SEMA3A: variants seen among roughly 807,000 people sequenced by gnomAD.
SEMA3A encodes semaphorin 3A.
SEMA3A carries 29 observed loss-of-function variants against 97.9 expected under a neutral mutation model. The observed-to-expected ratio is 0.30, with a 90% CI of 0.22 to 0.40. The LOEUF (loss-of-function observed/expected upper bound fraction) is 0.40, where lower values mean the gene tolerates loss of function less well. Ranked by LOEUF, SEMA3A falls within the 10% of genes least tolerant of loss-of-function variation. The pLI is 1.00. For synonymous variants in SEMA3A, 321 were observed against 323.7 expected (o/e 0.99, Z 0.09); for missense variants, 763 against 951.3 (o/e 0.80, Z 2.60).
At chr7:84,023,254 T>G (rs1161264819) in intron 6 of SEMA3A, among the ~76,000 whole-genome samples, 2 of 152,190 alleles carry the variant, frequency 1.3e-5, no homozygotes, top group Non-Finnish European at 2.9e-5. Context: ...ATGAATGCAT[T>G]TTGCTGCTCT....
chr7:84,389,531 C>G (rs1005076590), intron 1 of SEMA3A, among the ~76,000 whole-genome samples: 35 of 152,052 alleles, frequency 2.3e-4, no homozygotes, highest in African/African-American at 8.4e-4. Flanking sequence ...GGTAGGGAAA[C>G]AATTCACAAA....
intron 1 of SEMA3A, among the ~76,000 whole-genome samples, chr7:84,181,401 G>T (rs1202558637): frequency 6.6e-6 from 1 of 150,650 alleles, no homozygotes; most frequent in East Asian, 1.9e-4. Context: ...CATGCTAAAA[G>T]AAAAAGAAGG....
intron 3 of SEMA3A, among the ~76,000 whole-genome samples, chr7:84,220,434 G>A (rs936118179): frequency 4.6e-5 from 7 of 152,204 alleles, no homozygotes; most frequent in South Asian, 2.1e-4. Flanking sequence ...AATTGTGAAC[G>A]TTCTTCATGG....
In SEMA3A at chr7:84,344,007, C is replaced by T. The variant is rs191619274; in HGVS notation, c.-169+27817G>A. 2.7e-3 allele frequency among the ~76,000 whole-genome samples: 388 copies of T among 144,240 alleles called. 1 individual carries two copies. The highest frequency in any genetic ancestry group is 4.1e-3 in the Non-Finnish European group (276 of 66,580). 94.6% of individuals were successfully genotyped at this position (144,240 alleles called of 152,430 possible). Reference sequence around the variant, plus strand: ...TGGGCAACTGAGTGACACTTTGTTTCGGGGAAAAAAAAAAAAGAAAATTTG... The same window carrying T: ...TGGGCAACTGAGTGACACTTTGTTTTGGGGAAAAAAAAAAAAGAAAATTTG... On this transcript the variant is annotated intron_variant, in intron 2 of 3. Transcript: ENST00000424555.
chr7:84,192,591 C>A (rs551805445), intron 1 of SEMA3A, among the ~76,000 whole-genome samples: 1 of 151,970 alleles, frequency 6.6e-6, no homozygotes, highest in East Asian at 1.9e-4. Context: ...AGGTTTAAGG[C>A]ATATGTGTAC....
chr7:84,366,618 T>C (rs1309490927), intron 2 of SEMA3A, among the ~76,000 whole-genome samples: 1 of 151,304 alleles, frequency 6.6e-6, no homozygotes, highest in East Asian at 1.9e-4. Context: ...TACTTTACAC[T>C]CAATCAAGGA....
At chr7:84,012,770 TA>T (rs1265833821) in intron 7 of SEMA3A, among the ~76,000 whole-genome samples, 2 of 152,190 alleles carry the variant, frequency 1.3e-5, no homozygotes, top group African/African-American at 2.4e-5. Context: ...TAAATTCTAC[TA>T]TTGAGGTATG....
chr7:84,395,290 T>C (rs1236238326), intron 1 of SEMA3A, among the ~76,000 whole-genome samples: 1 of 151,212 alleles, frequency 6.6e-6, no homozygotes, highest in Admixed American at 6.6e-5. Flanking sequence ...AAATGCAAAA[T>C]CTACACTAAA....
At chr7:84,179,466 G>A (rs888923502) in intron 1 of SEMA3A, among the ~76,000 whole-genome samples, 2 of 152,044 alleles carry the variant, frequency 1.3e-5, no homozygotes, top group Non-Finnish European at 2.9e-5. Flanking sequence ...TCAGTTTAAT[G>A]TTCTCTACCT....
intron 1 of SEMA3A, among the ~76,000 whole-genome samples, chr7:84,139,505 A>C (rs981434295): frequency 6.6e-6 from 1 of 152,094 alleles, no homozygotes; most frequent in African/African-American, 2.4e-5. Context: ...TGTGTTTATG[A>C]GTTGCTTAAT....
At chr7:84,005,815 G>T (rs1444846744) in intron 10 of SEMA3A, among the ~76,000 whole-genome samples, 1 of 152,008 alleles carries the variant, frequency 6.6e-6, no homozygotes, top group Non-Finnish European at 1.5e-5. Flanking sequence ...TGGGCGTGAT[G>T]GTGCATGCCT....
At chr7:84,413,972 T>C (rs144823277) in intron 1 of SEMA3A, among the ~76,000 whole-genome samples, 42 of 152,216 alleles carry the variant, frequency 2.8e-4, no homozygotes, top group African/African-American at 8.9e-4. Context: ...TGTATTATTA[T>C]TCCAAATTTA....
At chr7:84,346,163 C>T (rs1221198758) in intron 2 of SEMA3A, among the ~76,000 whole-genome samples, 3 of 152,198 alleles carry the variant, frequency 2.0e-5, no homozygotes, top group African/African-American at 4.8e-5. Context: ...CTTCTTCAGC[C>T]TCCTCATCTC....
chr7:84,413,198 A>G (rs1214994342), intron 1 of SEMA3A, among the ~76,000 whole-genome samples: 1 of 152,164 alleles, frequency 6.6e-6, no homozygotes, highest in Non-Finnish European at 1.5e-5. Flanking sequence ...GATGTATTAT[A>G]TGTGTAGAAT....
chr7:84,261,416 A>C (rs1388918420), intron 3 of SEMA3A, among the ~76,000 whole-genome samples: 2 of 152,212 alleles, frequency 1.3e-5, no homozygotes, highest in African/African-American at 4.8e-5. Context: ...GAGAAGGAAA[A>C]AAAAGCTGTG....
intron 2 of SEMA3A, among the ~76,000 whole-genome samples, chr7:84,340,782 GA>G (rs3048716): frequency 2.3e-5 from 2 of 86,226 alleles, no homozygotes; most frequent in East Asian, 3.1e-4. Flanking sequence ...CTCCATCTCG[GA>G]AAAAAAAAAA....
chr7:84,196,865 AAT>A (rs1798244440), upstream of SEMA3A, among the ~76,000 whole-genome samples: 1 of 152,086 alleles, frequency 6.6e-6, no homozygotes, highest in Non-Finnish European at 1.5e-5. Context: ...TATGTCTTAA[AAT>A]ATATTTATAT....
chr7:84,452,098 A>AT (rs555668256), intron 1 of SEMA3A, among the ~76,000 whole-genome samples: 4 of 152,104 alleles, frequency 2.6e-5, no homozygotes, highest in Non-Finnish European at 5.9e-5. Flanking sequence ...TTTAACATCC[A>AT]TTTTTTTACA....
chr7:84,275,968 G>A (rs888250841), intron 3 of SEMA3A, among the ~76,000 whole-genome samples: 20 of 151,496 alleles, frequency 1.3e-4, no homozygotes, highest in East Asian at 3.9e-4. Context: ...CATTTTTATC[G>A]GACGTTGCTG....
Sources: gnomAD v4.1 joint callset for allele counts (sites outside exome capture counted in the v4.1 genomes callset) on GRCh38, gnomAD v4.1.1 for gene constraint, MANE v1.5 for transcripts, NCBI Gene and HGNC (gene_info 2026-07-23, HGNC 2026-07-21) for gene names.